FOCAD: variants seen among roughly 807,000 people sequenced by gnomAD.
FOCAD encodes the protein KIAA1797.
In FOCAD, 198 loss-of-function variants were observed where a neutral mutation model predicts 225.6. That is an observed-to-expected ratio of 0.88 (90% confidence interval 0.78 to 0.99). The LOEUF is 0.99. Among genes scored for constraint, FOCAD ranks in the 50% least tolerant of loss-of-function variants. The pLI, the probability that FOCAD is intolerant of heterozygous loss-of-function variation, is 0.00. For synonymous variants in FOCAD, 897 were observed against 755.0 expected, an observed-to-expected ratio of 1.19 and a Z score of -3.08; for missense variants, 2,713 against 2,123.6, an observed-to-expected ratio of 1.28 and a Z score of -5.46.
intron 11 of FOCAD, among the ~76,000 whole-genome samples, chr9:20,791,235 A>ACC (rs1269514522): frequency 4.6e-5 from 4 of 86,896 alleles, no homozygotes. Flanking sequence ...ACACACACAC[A>ACC]CTCACACACA....
chr9:20,783,426 A>G (rs1409174307), intron 10 of FOCAD, among the ~76,000 whole-genome samples: 2 of 151,748 alleles, frequency 1.3e-5, no homozygotes, highest in African/African-American at 4.8e-5. Flanking sequence ...TTCCAGTCAC[A>G]CCTATGAATT....
chr9:20,748,296 A>AT (rs1250604980), intron 5 of FOCAD, among the ~76,000 whole-genome samples: 2 of 151,402 alleles, frequency 1.3e-5, no homozygotes, highest in African/African-American at 2.4e-5. Context: ...AACTTTTTAA[A>AT]TTTTTTTTTG....
At chr9:20,796,472 A>C (rs1271832516) in intron 11 of FOCAD, among the ~76,000 whole-genome samples, 1 of 152,042 alleles carries the variant, frequency 6.6e-6, no homozygotes, top group Non-Finnish European at 1.5e-5. Context: ...CCTCTCCAGC[A>C]CCTGTTGTTT....
chr9:20,982,465 A>C lies in FOCAD; in HGVS notation c.4728+19A>C, dbSNP rs375769589. 12 of 1,581,960 alleles carry C rather than the reference A, an allele frequency of 7.6e-6. No individual in the cohort carries two copies. Among genetic ancestry groups the C allele is most frequent in the Non-Finnish European group, 1.0e-5 (12 of 1,153,414 alleles). ...TACTAAGGTAATAACATATCTTTCT[A>C]TACCTTTTTTCATTATTGAGCCAGA... On this transcript the variant is annotated intron_variant, in intron 39 of 43. Coordinates refer to ENST00000338382, the MANE Select transcript of FOCAD (RefSeq NM_001375567.1).
At chr9:20,888,175 G>C (rs1226507973) in intron 21 of FOCAD, among the ~76,000 whole-genome samples, 91 of 82,202 alleles carry the variant, frequency 1.1e-3, no homozygotes, top group Admixed American at 3.6e-3. Flanking sequence ...GTCTTGCTCT[G>C]TTGCCCAGGC....
intron 1 of FOCAD, among the ~76,000 whole-genome samples, chr9:20,709,904 T>C (rs1309417838): frequency 2.0e-5 from 3 of 152,210 alleles, no homozygotes; most frequent in Non-Finnish European, 2.9e-5. Flanking sequence ...AAAACAACAC[T>C]GTTTTTCCAC....
At chr9:20,943,813 C>G (rs1280092753) in intron 28 of FOCAD, among the ~76,000 whole-genome samples, 1 of 152,164 alleles carries the variant, frequency 6.6e-6, no homozygotes, top group Non-Finnish European at 1.5e-5. Context: ...AAAACAATGA[C>G]AAAAGCTTTT....
At chr9:20,933,446 C>T (rs909215157) in intron 28 of FOCAD, among the ~76,000 whole-genome samples, 3 of 152,122 alleles carry the variant, frequency 2.0e-5, no homozygotes, top group East Asian at 1.9e-4. Context: ...GAATATATGA[C>T]GTTTGGTTTT....
intron 1 of FOCAD, among the ~76,000 whole-genome samples, chr9:20,707,666 C>T (rs768102737): frequency 5.1e-4 from 78 of 151,980 alleles, no homozygotes; most frequent in Middle Eastern, 3.2e-3. Flanking sequence ...TCTTCACCTT[C>T]GTGTTGAGTA....
chr9:20,912,247 C>T (rs969512551), intron 22 of FOCAD, among the ~76,000 whole-genome samples: 1 of 151,872 alleles, frequency 6.6e-6, no homozygotes, highest in African/African-American at 2.4e-5. Flanking sequence ...TAAAATAATT[C>T]TGAGTAAAAA....
chr9:20,690,661 G>A (rs1381459564), intron 1 of FOCAD, among the ~76,000 whole-genome samples: 1 of 152,088 alleles, frequency 6.6e-6, no homozygotes, highest in East Asian at 1.9e-4. Flanking sequence ...TGGTACTTCT[G>A]CCTTGCCTCC....
At chr9:20,866,538 C>G (rs1207400198) in intron 17 of FOCAD, among the ~76,000 whole-genome samples, 3 of 151,982 alleles carry the variant, frequency 2.0e-5, no homozygotes, top group Non-Finnish European at 4.4e-5. Context: ...TTATGAGTTA[C>G]TTTATATTTA....
chr9:20,831,783 C>G (rs1451243511), intron 15 of FOCAD, among the ~76,000 whole-genome samples: 3 of 152,002 alleles, frequency 2.0e-5, no homozygotes, highest in Non-Finnish European at 4.4e-5. Context: ...TTTTGAAAAG[C>G]TTACTAAAAT....
At chr9:20,958,938 A>G (rs534967305) in intron 35 of FOCAD, among the ~76,000 whole-genome samples, 9 of 152,232 alleles carry the variant, frequency 5.9e-5, no homozygotes, top group East Asian at 1.9e-4. Flanking sequence ...CCATTCATCT[A>G]TTGTTGGACA....
intron 35 of FOCAD, 68 bp downstream of exon 35, chr9:20,953,133 C>T: frequency 8.1e-7 from 1 of 1,229,436 alleles, no homozygotes; most frequent in Non-Finnish European, 1.2e-6. Context: ...TTTGTGTACC[C>T]TAAGCATGCC....
intron 22 of FOCAD, among the ~76,000 whole-genome samples, chr9:20,908,303 CGGGGTGAGAGT>C (rs1237260243): frequency 6.6e-6 from 1 of 151,724 alleles, no homozygotes; most frequent in Non-Finnish European, 1.5e-5. Flanking sequence ...ATGAGGTGGG[CGGGGTGAGAGT>C]GGGGCATAGG....
intron 15 of FOCAD, among the ~76,000 whole-genome samples, chr9:20,827,565 AAG>A (rs142123430): frequency 0.082 from 12,428 of 152,010 alleles, 618 homozygotes; most frequent in Middle Eastern, 0.13. Flanking sequence ...CCCCTTAAAA[AAG>A]GAGATCCTGC....
intron 2 of FOCAD, among the ~76,000 whole-genome samples, chr9:20,677,117 C>T (rs1021628512): frequency 1.3e-5 from 2 of 152,090 alleles, no homozygotes; most frequent in African/African-American, 4.8e-5. Context: ...TAAACAATAA[C>T]ACACAAGGAT....
chr9:20,853,746 C>G (rs1827899136), intron 15 of FOCAD, among the ~76,000 whole-genome samples: 1 of 151,524 alleles, frequency 6.6e-6, no homozygotes, highest in South Asian at 2.1e-4. Context: ...TTCTTTTTTC[C>G]CTACAATGCT....
Sources: allele counts gnomAD v4.1 joint callset (sites outside exome capture counted in the v4.1 genomes callset), GRCh38; gene constraint gnomAD v4.1.1; transcripts MANE v1.5; gene names NCBI Gene and HGNC (gene_info 2026-07-23, HGNC 2026-07-21).